CDC42BPA: variants seen among roughly 807,000 people sequenced by gnomAD.
CDC42BPA encodes CDC42 binding protein kinase alpha.
CDC42BPA carries 80 observed loss-of-function variants against 223.5 expected under a neutral mutation model. The observed-to-expected ratio is 0.36, with a 90% CI of 0.30 to 0.43. The LOEUF is 0.43. Ranked by LOEUF, CDC42BPA falls within the 20% of genes least tolerant of loss-of-function variation. CDC42BPA has a pLI of 1.00. For synonymous variants in CDC42BPA, 694 were observed against 718.6 expected (o/e 0.97, Z 0.55); for missense variants, 1,743 against 2,099.9 (o/e 0.83, Z 3.32).
At position 227,028,718 on chromosome 1, in the gene CDC42BPA, G is replaced by T; in HGVS notation, c.4371C>A (p.Asp1457Glu). Residue 1457 changes from aspartate to glutamate, a missense_variant, in exon 30 of 37, where the codon GAC becomes GAA. Asp to Glu is a conservative substitution (Grantham distance 45, BLOSUM62 2). Transcript: ENST00000366766. The part of the protein sequence containing the change: ...LCFNSIGIYT[D>E]CQGRRSRQQE... ...GTTGTCTAGATCTTCGGCCCTGGCA[G>T]TCAGTGTATATCCCAATGCTGTTAA... 1 of 1,606,436 alleles carries T rather than the reference G, an allele frequency of 6.2e-7. No individual in the cohort carries two copies. The highest frequency in any genetic ancestry group is 8.5e-7 in the Non-Finnish European group (1 of 1,174,472).
At chr1:227,089,096 A>T (rs1416211336) in intron 16 of CDC42BPA, among the ~76,000 whole-genome samples, 1 of 152,218 alleles carries the variant, frequency 6.6e-6, no homozygotes, top group Non-Finnish European at 1.5e-5. Flanking sequence ...ATTTTTAAAA[A>T]TTTATTTAAA....
At chr1:227,083,129 T>C (rs1681057433) in intron 16 of CDC42BPA, among the ~76,000 whole-genome samples, 1 of 148,900 alleles carries the variant, frequency 6.7e-6, no homozygotes, top group Non-Finnish European at 1.5e-5. Flanking sequence ...ATAAACACTC[T>C]TCAAATATTG....
At chr1:227,067,274 G>GC (rs1189097269) in intron 21 of CDC42BPA, among the ~76,000 whole-genome samples, 5 of 152,168 alleles carry the variant, frequency 3.3e-5, no homozygotes, top group African/African-American at 9.6e-5. Context: ...TGAGGACCTG[G>GC]CTGGGGTGTG....
chr1:227,060,687 C>CAATAACTCT (rs1675700184), intron 21 of CDC42BPA, among the ~76,000 whole-genome samples: 1 of 138,280 alleles, frequency 7.2e-6, no homozygotes, highest in African/African-American at 2.7e-5. Flanking sequence ...ATTAGTGTTA[C>CAATAACTCT]AATAACTCTG....
chr1:227,016,006 CATGTATTTAAGCCT>C, intron 34 of CDC42BPA, 60 bp downstream of exon 34: 1 of 753,214 alleles, frequency 1.3e-6, no homozygotes, highest in East Asian at 2.5e-5. Flanking sequence ...GAAGTCTACC[CATGTATTTAAGCCT>C]ATGTATTTAT....
At chr1:227,307,942 A>G (rs950545925) in intron 1 of CDC42BPA, among the ~76,000 whole-genome samples, 6 of 152,222 alleles carry the variant, frequency 3.9e-5, no homozygotes, top group Admixed American at 2.6e-4. Context: ...TTGGTGGATG[A>G]ATGAGCATTA....
rs1451337553 is a variant in CDC42BPA, at chr1:227,162,847, AAT to A, written c.600-2213_600-2212del. ...TGAGAAACTGTCTCCAAAAGAAAAAAATAAAATAAAATAAATATATATGTGTG... is the reference window on the plus strand; with the variant it reads ...TGAGAAACTGTCTCCAAAAGAAAAAAAAAATAAAATAAATATATATGTGTG... On this transcript the variant is annotated intron_variant, in intron 5 of 36. Coordinates refer to ENST00000366766, the MANE Select transcript of CDC42BPA (RefSeq NM_001394014.1). Among the ~76,000 whole-genome samples, 6 of 107,600 alleles carry A rather than the reference AAT, an allele frequency of 5.6e-5. No homozygotes were observed. The East Asian group carries it at 1.4e-3, about 25-fold the overall frequency. 70.6% of individuals were successfully genotyped at this position (107,600 alleles called of 152,430 possible). A position where few individuals can be genotyped will look rare whatever the true frequency, so the allele number is the denominator to read the frequency against.
chr1:227,209,313 T>C (rs957035304), intron 3 of CDC42BPA, among the ~76,000 whole-genome samples: 16 of 149,406 alleles, frequency 1.1e-4, no homozygotes, highest in African/African-American at 3.5e-4. Flanking sequence ...CAGGGACAAT[T>C]TGACTTCCTC....
At chr1:227,042,470 T>G (rs1044443404) in intron 23 of CDC42BPA, among the ~76,000 whole-genome samples, 2 of 151,564 alleles carry the variant, frequency 1.3e-5, no homozygotes, top group African/African-American at 4.9e-5. Flanking sequence ...ATAGGAGAGG[T>G]TGTGTAATCC....
Position 227,100,777 on chromosome 1 carries a change from T to TGTGTGTGTGCGC in CDC42BPA, c.2249+214_2249+215insGCGCACACACAC, listed in dbSNP as rs777124731. On this transcript the variant is annotated intron_variant, in intron 15 of 36. Transcript: ENST00000366766. ...GTGTGTGTGTGTGTGTGTGTGTGTG[T>TGTGTGTGTGCGC]GCGTGTGCCATCATACCCAGCTAGA... Among the ~76,000 whole-genome samples, 649 of 128,584 alleles carry TGTGTGTGTGCGC rather than the reference T, an allele frequency of 5.0e-3. 8 individuals are homozygous for TGTGTGTGTGCGC. The highest frequency in any genetic ancestry group is 0.018 in the Middle Eastern group (5 of 274). The allele number at this position is 128,584 out of a possible 152,430, so 84.4% of individuals were successfully genotyped here.
At chr1:227,132,882 A>C (rs187361823) in intron 10 of CDC42BPA, among the ~76,000 whole-genome samples, 4 of 124,866 alleles carry the variant, frequency 3.2e-5, no homozygotes, top group South Asian at 2.7e-4. Flanking sequence ...AAGTGAGGAG[A>C]CCCTCTGCCT....
At chr1:227,108,428 T>C (rs981767946) in intron 14 of CDC42BPA, among the ~76,000 whole-genome samples, 1 of 151,546 alleles carries the variant, frequency 6.6e-6, no homozygotes, top group Non-Finnish European at 1.5e-5. Context: ...TTCCCTGTAA[T>C]TGATTTCTAG....
chr1:227,025,182 G>A (rs1668035694), intron 31 of CDC42BPA, among the ~76,000 whole-genome samples: 3 of 152,172 alleles, frequency 2.0e-5, no homozygotes, highest in South Asian at 4.1e-4. Context: ...GATGGAGGCT[G>A]CAGTGAGCTG....
At chr1:227,247,611 G>A (rs917898951) in intron 2 of CDC42BPA, among the ~76,000 whole-genome samples, 12 of 151,990 alleles carry the variant, frequency 7.9e-5, no homozygotes, top group South Asian at 2.1e-4. Flanking sequence ...GGGGCCAGGC[G>A]TAGTGGCTCA....
chr1:227,075,183 T>G (rs149771417), intron 17 of CDC42BPA, among the ~76,000 whole-genome samples: 104 of 152,312 alleles, frequency 6.8e-4, no homozygotes, highest in African/African-American at 2.3e-3. Context: ...GAGTTGAAAT[T>G]TGCAATGCTC....
intron 1 of CDC42BPA, among the ~76,000 whole-genome samples, chr1:227,296,618 A>G (rs1037911167): frequency 2.6e-5 from 4 of 151,218 alleles, no homozygotes; most frequent in Admixed American, 1.3e-4. Flanking sequence ...AAGCAGGAAA[A>G]TCGCTTGAAC....
intron 34 of CDC42BPA, chr1:227,010,832 C>A (rs763996195): frequency 6.8e-6 from 8 of 1,175,504 alleles, no homozygotes; most frequent in Non-Finnish European, 7.8e-6. Flanking sequence ...AAAAGGAAAT[C>A]CATACATGGT....
At chr1:227,077,455 T>C (rs1300585195) in intron 17 of CDC42BPA, among the ~76,000 whole-genome samples, 1 of 152,194 alleles carries the variant, frequency 6.6e-6, no homozygotes, top group East Asian at 1.9e-4. Context: ...AAAGGTTTCA[T>C]TACTGAAACG....
chr1:227,289,001 T>A (rs199912648), intron 1 of CDC42BPA, among the ~76,000 whole-genome samples: 2 of 123,286 alleles, frequency 1.6e-5, no homozygotes, highest in Non-Finnish European at 1.7e-5. Context: ...GTTTCAAAAA[T>A]AATAATAATA....
Sources: gnomAD v4.1 joint callset for allele counts (sites outside exome capture counted in the v4.1 genomes callset) on GRCh38, gnomAD v4.1.1 for gene constraint, MANE v1.5 for transcripts, NCBI Gene and HGNC (gene_info 2026-07-23, HGNC 2026-07-21) for gene names.